Variants in GPR158 observed in about 807,000 individuals in gnomAD.
GPR158 encodes metabotropic glycine receptor.
A neutral mutation model predicts 78.2 loss-of-function variants in GPR158; 30 were observed. The ratio of observed to expected loss-of-function variants is 0.38; its 90% CI spans 0.29 to 0.52. The LOEUF is 0.52. Among genes scored for constraint, GPR158 ranks in the 20% least tolerant of loss-of-function variants. GPR158 has a pLI of 0.83. For synonymous variants in GPR158, 581 were observed against 591.1 expected (o/e 0.98, Z 0.25); for missense variants, 1,463 against 1,523.5 (o/e 0.96, Z 0.66).
At position 25,450,978 on chromosome 10, in the gene GPR158, T is replaced by G. The variant is rs35993591; in HGVS notation, c.1336-15673T>G. On this transcript the variant is annotated intron_variant, in intron 4 of 10. Transcript: ENST00000376351. Reference sequence around the variant, plus strand: ...AACTTTTTGCCTGTCTATATATGTGTTTTTTTTTTAATTTTTCAAATAGCT... The same window carrying G: ...AACTTTTTGCCTGTCTATATATGTGGTTTTTTTTTAATTTTTCAAATAGCT... 2.4e-3 allele frequency among the ~76,000 whole-genome samples: 42 copies of G among 17,368 alleles called. 2 individuals are homozygous for G. Among genetic ancestry groups the G allele is most frequent in the East Asian group, 0.25 (1 of 4 alleles). 11.4% of individuals were successfully genotyped at this position (17,368 alleles called of 152,430 possible). A position where few individuals can be genotyped will look rare whatever the true frequency, so the allele number is the denominator to read the frequency against.
At chr10:25,182,867 G>C (rs375671840) in intron 1 of GPR158, among the ~76,000 whole-genome samples, 6 of 152,312 alleles carry the variant, frequency 3.9e-5, no homozygotes, top group South Asian at 2.1e-4. Flanking sequence ...GGTGTTCAAA[G>C]AGTTATTTAT....
chr10:25,406,453 T>C (rs1834516917), intron 3 of GPR158, among the ~76,000 whole-genome samples: 1 of 152,158 alleles, frequency 6.6e-6, no homozygotes, highest in African/African-American at 2.4e-5. Context: ...CTTCTATCAC[T>C]CTACCTTTGG....
At chr10:25,185,329 T>C (rs958237065) in intron 1 of GPR158, among the ~76,000 whole-genome samples, 1 of 152,256 alleles carries the variant, frequency 6.6e-6, no homozygotes, top group African/African-American at 2.4e-5. Flanking sequence ...AAGATCATTG[T>C]ATATATAGAA....
intron 5 of GPR158, among the ~76,000 whole-genome samples, chr10:25,485,369 A>G (rs1835722542): frequency 6.6e-6 from 1 of 152,124 alleles, no homozygotes; most frequent in Non-Finnish European, 1.5e-5. Context: ...GAAGAGAAAT[A>G]TAAAGACATC....
chr10:25,434,422 C>T lies in GPR158; in HGVS notation c.1335+21949C>T, dbSNP rs1299771380. Among the ~76,000 whole-genome samples, 4 of 152,098 alleles carry T rather than the reference C, an allele frequency of 2.6e-5. No individual in the cohort carries two copies. The South Asian group carries it at 6.2e-4, about 24-fold the overall frequency. ...GCTAAAAAAGAGCTTTATAAATATACCAAATTGCTTGCTATTTGAAAAATA... is the reference window on the plus strand; with the variant it reads ...GCTAAAAAAGAGCTTTATAAATATATCAAATTGCTTGCTATTTGAAAAATA... On this transcript the variant is annotated intron_variant, in intron 4 of 10. Coordinates refer to ENST00000376351, the MANE Select transcript of GPR158 (RefSeq NM_020752.3).
At chr10:25,538,948 T>C (rs1156689520) in intron 5 of GPR158, among the ~76,000 whole-genome samples, 1 of 152,188 alleles carries the variant, frequency 6.6e-6, no homozygotes, top group Non-Finnish European at 1.5e-5. Flanking sequence ...ATTATGTGTA[T>C]TAGAATGGGC....
At chr10:25,550,199 A>G (rs753546431) in intron 5 of GPR158, among the ~76,000 whole-genome samples, 9 of 152,106 alleles carry the variant, frequency 5.9e-5, no homozygotes, top group Non-Finnish European at 1.2e-4. Context: ...CACAGTACCT[A>G]TGTTACTTGA....
intron 2 of GPR158, among the ~76,000 whole-genome samples, chr10:25,364,490 C>A (rs573301289): frequency 6.6e-6 from 1 of 151,794 alleles, no homozygotes; most frequent in Non-Finnish European, 1.5e-5. Flanking sequence ...CCTGATTCGC[C>A]ATTGCAACAG....
intron 5 of GPR158, among the ~76,000 whole-genome samples, chr10:25,504,344 A>G (rs960967264): frequency 7.2e-5 from 11 of 152,178 alleles, no homozygotes; most frequent in African/African-American, 2.7e-4. Flanking sequence ...CTTTTTCTAA[A>G]TATATTGAGC....
chr10:25,232,869 T>C (rs1853469648), intron 2 of GPR158, among the ~76,000 whole-genome samples: 2 of 152,216 alleles, frequency 1.3e-5, no homozygotes, highest in African/African-American at 4.8e-5. Flanking sequence ...AAGATTTTTG[T>C]ATTTTAAAAT....
chr10:25,411,360 A>G (rs1409160663), intron 3 of GPR158, among the ~76,000 whole-genome samples: 2 of 152,194 alleles, frequency 1.3e-5, no homozygotes, highest in Non-Finnish European at 2.9e-5. Context: ...CACCATCATT[A>G]GGCAATTGCA....
At chr10:25,581,026 G>A (rs967455979) in intron 7 of GPR158, among the ~76,000 whole-genome samples, 1 of 148,212 alleles carries the variant, frequency 6.7e-6, no homozygotes, top group East Asian at 1.9e-4. Flanking sequence ...CCGGGTTCAC[G>A]CCATTCTCCT....
chr10:25,369,000 T>G (rs1006539969), intron 2 of GPR158, among the ~76,000 whole-genome samples: 1 of 150,560 alleles, frequency 6.6e-6, no homozygotes, highest in African/African-American at 2.5e-5. Context: ...GGAATGCTTG[T>G]GATTTTCGTA....
intron 6 of GPR158, among the ~76,000 whole-genome samples, chr10:25,556,242 C>T (rs1035242976): frequency 4.6e-5 from 7 of 152,094 alleles, no homozygotes; most frequent in Non-Finnish European, 1.0e-4. Flanking sequence ...CAGAAGATTC[C>T]TCTAATAAAA....
At chr10:25,241,668 C>A (rs906153195) in intron 2 of GPR158, among the ~76,000 whole-genome samples, 2 of 152,132 alleles carry the variant, frequency 1.3e-5, no homozygotes, top group Non-Finnish European at 2.9e-5. Context: ...GTGATCCCCC[C>A]ACCTTGGCCT....
At chr10:25,417,479 C>A (rs1338305557) in intron 4 of GPR158, among the ~76,000 whole-genome samples, 1 of 152,272 alleles carries the variant, frequency 6.6e-6, no homozygotes, top group Non-Finnish European at 1.5e-5. Flanking sequence ...GGACTCTAAG[C>A]AGGTTCTATG....
chr10:25,351,102 G>A (rs897840506), intron 2 of GPR158, among the ~76,000 whole-genome samples: 2 of 152,054 alleles, frequency 1.3e-5, no homozygotes, highest in South Asian at 2.1e-4. Context: ...GCCTGAACGC[G>A]TGGCTATTTA....
intron 1 of GPR158, among the ~76,000 whole-genome samples, chr10:25,209,605 G>A (rs1262194514): frequency 6.6e-6 from 1 of 152,038 alleles, no homozygotes; most frequent in Non-Finnish European, 1.5e-5. Context: ...ACTGAAAAGT[G>A]TTACAGATAA....
chr10:25,442,040 C>T (rs981008320), intron 4 of GPR158, among the ~76,000 whole-genome samples: 2 of 152,060 alleles, frequency 1.3e-5, no homozygotes, highest in Non-Finnish European at 2.9e-5. Context: ...GCTAGAAGGA[C>T]ATTTTATTTT....
Sources: allele counts gnomAD v4.1 joint callset (sites outside exome capture counted in the v4.1 genomes callset), GRCh38; gene constraint gnomAD v4.1.1; transcripts MANE v1.5; gene names NCBI Gene and HGNC (gene_info 2026-07-23, HGNC 2026-07-21).